ZBTB41: variants seen among roughly 807,000 people sequenced by gnomAD.
ZBTB41 encodes the protein zinc finger and BTB domain containing 41.
A neutral mutation model predicts 87.6 loss-of-function variants in ZBTB41; 42 were observed. The ratio of observed to expected loss-of-function variants is 0.48; its 90% confidence interval spans 0.37 to 0.62. The LOEUF (loss-of-function observed/expected upper bound fraction) is 0.62. ZBTB41 is among the 20% of genes least tolerant of loss of function. The probability of loss-of-function intolerance (pLI) is 0.00; values close to 1 mark genes in which losing one functional copy is unlikely to be tolerated. For synonymous variants in ZBTB41, 364 were observed against 364.0 expected (o/e 1.00, Z 0.00); for missense variants, 799 against 1,078.9 (o/e 0.74, Z 3.63).
At position 197,178,403 on chromosome 1, in the gene ZBTB41, A is replaced by T; in HGVS notation, c.1772+14T>A. On this transcript the variant is annotated intron_variant, in intron 7 of 10. Transcript: ENST00000367405. ...CTATCTTACTTAATAAAGGGAAAAA[A>T]TGGTTTTACTTACCTATACGAACTT... is the stretch of plus-strand genomic sequence containing the variant. The T allele has an allele frequency of 6.4e-7, 1 of 1,554,590 alleles. No individual in the cohort carries two copies. Among genetic ancestry groups the T allele is most frequent in the Non-Finnish European group, 8.7e-7 (1 of 1,142,974 alleles).
rs1295513758 is a variant in ZBTB41 at position 197,159,123 on chromosome 1, A to G, written c.*236T>C. 9.1e-6 allele frequency: 4 copies of G among 437,836 alleles called. No homozygotes were observed. The highest frequency in any genetic ancestry group is 2.0e-5 in the African/African-American group (1 of 50,092). 27.1% of individuals were successfully genotyped at this position (437,836 alleles called of 1,614,324 possible). On this transcript the variant is annotated 3_prime_UTR_variant, in exon 11 of 11. Coordinates refer to ENST00000367405, the MANE Select transcript of ZBTB41 (RefSeq NM_194314.3). Reference sequence around the variant, plus strand: ...AAAATTTAAGAAACCATTAAAAGTTAGCACTAAATAATCTTTAAAAATCAC... The same window carrying G: ...AAAATTTAAGAAACCATTAAAAGTTGGCACTAAATAATCTTTAAAAATCAC...
intron 5 of ZBTB41, among the ~76,000 whole-genome samples, chr1:197,182,340 T>C (rs1345406921): frequency 6.6e-6 from 1 of 152,148 alleles, no homozygotes; most frequent in Non-Finnish European, 1.5e-5. Flanking sequence ...AACAACTGCA[T>C]TTTTTTCCTA....
intron 5 of ZBTB41, among the ~76,000 whole-genome samples, chr1:197,184,177 T>C (rs1557983268): frequency 6.6e-6 from 1 of 152,172 alleles, no homozygotes; most frequent in Non-Finnish European, 1.5e-5. Flanking sequence ...AACAGAATCA[T>C]GAACATGTCA....
chr1:197,193,439 T>C (rs1356271739), intron 2 of ZBTB41, among the ~76,000 whole-genome samples: 10 of 151,858 alleles, frequency 6.6e-5, no homozygotes, highest in Admixed American at 5.9e-4. Flanking sequence ...CACTAATAAA[T>C]ATTAACTGTC....
At position 197,176,779 on chromosome 1, in the gene ZBTB41, C is replaced by T. The variant is rs146977558; in HGVS notation, c.1773-109G>A. Reference sequence around the variant, plus strand: ...AATGAAAACTGGGCTGTCTACTCAACCACTCATACATTATTGGCTTTATTT... The same window carrying T: ...AATGAAAACTGGGCTGTCTACTCAATCACTCATACATTATTGGCTTTATTT... On this transcript the variant is annotated intron_variant, in intron 7 of 10. Transcript: ENST00000367405. 1,448 of 762,122 alleles carry T rather than the reference C, an allele frequency of 1.9e-3. 18 individuals are homozygous for T. Among genetic ancestry groups the T allele is most frequent in the South Asian group, 0.011 (704 of 63,556 alleles). The allele number at this position is 762,122 out of a possible 1,614,324, so 47.2% of individuals were successfully genotyped here.
In ZBTB41 at chr1:197,181,083, A is replaced by G; in HGVS notation, c.1581T>C (p.Phe527=). ...GACGTTTCAAATTTCCAGTGTCGTT[A>G]AACTGGCGACCACATATATCACATG... is the stretch of plus-strand genomic sequence containing the variant. The part of the protein sequence containing the change: ...PFPCDICGRQ[F]NDTGNLKRHI... The change falls in exon 6 of 11, where the codon TTT becomes TTC. Residue 527 remains phenylalanine (F), a synonymous_variant. Transcript: ENST00000367405. 6.2e-7 allele frequency: 1 copy of G among 1,604,212 alleles called. No individual in the cohort carries two copies. The highest frequency in any genetic ancestry group is 1.7e-4 in the Middle Eastern group (1 of 6,024).
Position 197,190,798 on chromosome 1 carries a change from G to A in ZBTB41, c.1362C>T (p.Ser454=). 6.3e-7 allele frequency: 1 copy of A among 1,590,698 alleles called. No individual in the cohort carries two copies. Among genetic ancestry groups the A allele is most frequent in the South Asian group, 1.1e-5 (1 of 87,516 alleles). The change falls in exon 4 of 11, where the codon TCC becomes TCT. Residue 454 remains serine (S), a synonymous_variant. Coordinates refer to ENST00000367405, the MANE Select transcript of ZBTB41 (RefSeq NM_194314.3). ...FHPENAQEFI[S]IKKTKSESWK... ...AACTTTCACTCTTAGTCTTCTTAATGGAAATAAATTCTTGTGCATTTTCAG... is the reference window on the plus strand; with the variant it reads ...AACTTTCACTCTTAGTCTTCTTAATAGAAATAAATTCTTGTGCATTTTCAG...
intron 7 of ZBTB41, 50 bp from the exon 8 acceptor site, chr1:197,176,720 A>G (rs760468963): frequency 7.8e-7 from 1 of 1,288,894 alleles, no homozygotes; most frequent in South Asian, 1.2e-5. Flanking sequence ...ACATAGAAGG[A>G]AAAAGCTCAA....
chr1:197,174,149 A>C (rs6669113), intron 9 of ZBTB41, among the ~76,000 whole-genome samples: 117,521 of 151,644 alleles, frequency 0.77, 48,911 homozygotes, highest in East Asian at 1. Flanking sequence ...TATACCTTGC[A>C]ATTACCACAT....
In ZBTB41 at chr1:197,201,274, G is replaced by A. The variant is rs976313401; in HGVS notation, c.-169C>T. 6.6e-6 allele frequency among the ~76,000 whole-genome samples: 1 copy of A among 152,176 alleles called. No homozygotes were observed. Among genetic ancestry groups the A allele is most frequent in the African/African-American group, 2.4e-5 (1 of 41,446 alleles). On this transcript the variant is annotated 5_prime_UTR_variant, in exon 1 of 11. Coordinates refer to ENST00000367405, the MANE Select transcript of ZBTB41 (RefSeq NM_194314.3). ...TCCCAGCAGCTGAGCTCCACTCTGG[G>A]CGCGCTCGCTCCTGCGCCTACCCAC... is the stretch of plus-strand genomic sequence containing the variant.
rs147105394 is a variant in ZBTB41 at position 197,188,058 on chromosome 1, A to C, written c.1546+234T>G. Among the ~76,000 whole-genome samples the C allele has an allele frequency of 2.0e-5, 3 of 152,328 alleles. No individual in the cohort carries two copies. In the East Asian group the frequency reaches 5.8e-4, roughly 29 times the overall value. On this transcript the variant is annotated intron_variant, in intron 5 of 10. Coordinates refer to ENST00000367405, the MANE Select transcript of ZBTB41 (RefSeq NM_194314.3). ...TACCAACGTAGGTTCTTCGATTGTA[A>C]CAAACGTACCACTCTGGTGAAGAAC...
chr1:197,190,902 G>A (rs1660010065), intron 3 of ZBTB41, 71 bp from the exon 4 acceptor site: 1 of 1,001,684 alleles, frequency 1.0e-6, no homozygotes, highest in Non-Finnish European at 1.5e-6. Flanking sequence ...ATGTGAATAT[G>A]TTGACAGTAA....
At chr1:197,166,200 A>G (rs934741726) in intron 10 of ZBTB41, among the ~76,000 whole-genome samples, 1 of 152,216 alleles carries the variant, frequency 6.6e-6, no homozygotes, top group Non-Finnish European at 1.5e-5. Context: ...TAATAAAAAA[A>G]AAGAAGAAAT....
chr1:197,179,282 C>A (rs1659684721), intron 6 of ZBTB41, among the ~76,000 whole-genome samples: 1 of 152,040 alleles, frequency 6.6e-6, no homozygotes. Context: ...AATGCTGTCC[C>A]ATAAGATTAC....
intron 8 of ZBTB41, chr1:197,175,900 A>G (rs535464023): frequency 6.6e-6 from 1 of 152,066 alleles, no homozygotes; most frequent in Non-Finnish European, 1.5e-5. Context: ...TTATATTCAA[A>G]AATTATGTTT....
chr1:197,159,082 C>G lies in ZBTB41; in HGVS notation c.*277G>C, dbSNP rs971784575. On this transcript the variant is annotated 3_prime_UTR_variant, in exon 11 of 11. Transcript: ENST00000367405. ...AAAAAAAATACTTCCATAATATCAG[C>G]AGCTAATAATTGCAAAAAATTTAAG... The G allele has an allele frequency of 3.1e-6, 1 of 324,336 alleles. No individual in the cohort carries two copies. Among genetic ancestry groups the G allele is most frequent in the Non-Finnish European group, 5.6e-6 (1 of 178,034 alleles). The allele number at this position is 324,336 out of a possible 1,614,324, so 20.1% of individuals were successfully genotyped here.
intron 6 of ZBTB41, 87 bp downstream of exon 6, chr1:197,180,901 G>T (rs1659729619): frequency 1.4e-6 from 2 of 1,395,946 alleles, no homozygotes; most frequent in Non-Finnish European, 1.9e-6. Context: ...TGTGTCTTAT[G>T]TTACCCTAAT....
chr1:197,160,465 A>G (rs1329044561), intron 10 of ZBTB41, among the ~76,000 whole-genome samples: 1 of 152,110 alleles, frequency 6.6e-6, no homozygotes, highest in Non-Finnish European at 1.5e-5. Flanking sequence ...TTTCTCCCCC[A>G]CGCAAGGAGG....
intron 6 of ZBTB41, among the ~76,000 whole-genome samples, chr1:197,180,545 A>G (rs185970630): frequency 6.0e-5 from 9 of 149,852 alleles, no homozygotes; most frequent in Admixed American, 5.3e-4. Context: ...TTTGTGGAAA[A>G]TATCTCTAAA....
Sources: allele counts gnomAD v4.1 joint callset (sites outside exome capture counted in the v4.1 genomes callset), GRCh38; gene constraint gnomAD v4.1.1; transcripts MANE v1.5; gene names NCBI Gene and HGNC (gene_info 2026-07-23, HGNC 2026-07-21).